Variants in ACTR3C observed in about 807,000 individuals in gnomAD.
ACTR3C encodes actin-related protein 3C.
ACTR3C carries 18 observed loss-of-function variants against 26.3 expected under a neutral mutation model. The observed-to-expected ratio is 0.68, with a 90% CI of 0.47 to 1.01. The LOEUF (loss-of-function observed/expected upper bound fraction) is 1.01. ACTR3C is among the 50% of genes least tolerant of loss of function. ACTR3C has a pLI of 0.00. For missense variants in ACTR3C, 184 were observed against 250.7 expected (o/e 0.73, Z 1.80); for synonymous variants, 55 against 94.5 (o/e 0.58, Z 2.42).
chr7:150,159,277 G>C, the ACTR3C span, among the ~76,000 whole-genome samples: 1 of 151,894 alleles, frequency 6.6e-6, no homozygotes, highest in Non-Finnish European at 1.5e-5. Flanking sequence ...TTCTTCCCAG[G>C]ATGGGCTTGG....
the ACTR3C span, among the ~76,000 whole-genome samples, chr7:150,198,221 T>G: frequency 6.7e-6 from 1 of 149,122 alleles, no homozygotes; most frequent in Non-Finnish European, 1.5e-5. Flanking sequence ...CCGCCTGCCT[T>G]GGCCTCCCAA....
At chr7:150,171,195 G>A in the ACTR3C span, among the ~76,000 whole-genome samples, 3 of 142,288 alleles carry the variant, frequency 2.1e-5, no homozygotes, top group South Asian at 2.2e-4. Context: ...TGGATCACTC[G>A]CCACAGTAGA....
chr7:150,032,614 A>C, the ACTR3C span, among the ~76,000 whole-genome samples: 2 of 152,140 alleles, frequency 1.3e-5, no homozygotes. Context: ...TATCTGCTTG[A>C]GATTAACACC....
At chr7:150,245,509 C>T (rs1172960893), downstream of ACTR3C, 1 of 152,250 alleles carries the variant, frequency 6.6e-6, no homozygotes, top group Non-Finnish European at 1.5e-5. Context: ...GATTTTGCTC[C>T]ACCATGGAGG....
the ACTR3C span, among the ~76,000 whole-genome samples, chr7:150,189,232 C>G: frequency 6.6e-6 from 1 of 151,984 alleles, no homozygotes; most frequent in African/African-American, 2.4e-5. Flanking sequence ...ACATTTTGCT[C>G]TATTCTTTTT....
At chr7:150,034,247 C>G in the ACTR3C span, among the ~76,000 whole-genome samples, 1 of 151,512 alleles carries the variant, frequency 6.6e-6, no homozygotes, top group Admixed American at 6.6e-5. Flanking sequence ...GGGGGCCATC[C>G]TTTAGCAACT....
At chr7:150,056,591 G>A in the ACTR3C span, among the ~76,000 whole-genome samples, 12 of 152,146 alleles carry the variant, frequency 7.9e-5, no homozygotes, top group Admixed American at 7.9e-4. Flanking sequence ...ATAAATCCAC[G>A]AGTCACATGA....
the ACTR3C span, chr7:150,000,761 C>T: frequency 2.7e-4 from 38 of 138,726 alleles, no homozygotes; most frequent in African/African-American, 9.9e-4. Context: ...TGTTCCTTCC[C>T]CTTCCCAGCC....
the ACTR3C span, among the ~76,000 whole-genome samples, chr7:150,227,232 C>A: frequency 6.6e-6 from 1 of 151,798 alleles, no homozygotes; most frequent in Non-Finnish European, 1.5e-5. Context: ...GATCACTTAA[C>A]TTTATTTCTC....
At chr7:149,947,029 G>A in the ACTR3C span, among the ~76,000 whole-genome samples, 135 of 151,786 alleles carry the variant, frequency 8.9e-4, no homozygotes, top group African/African-American at 2.6e-3. Context: ...TGCCGGGGGC[G>A]GTGGAGGGTA....
the ACTR3C span, among the ~76,000 whole-genome samples, chr7:150,162,111 A>G: frequency 6.6e-6 from 1 of 152,226 alleles, no homozygotes; most frequent in Non-Finnish European, 1.5e-5. Context: ...AACCCTTTGT[A>G]TCTACTGATG....
chr7:150,194,981 C>A, the ACTR3C span, among the ~76,000 whole-genome samples: 1 of 151,962 alleles, frequency 6.6e-6, no homozygotes, highest in African/African-American at 2.4e-5. Flanking sequence ...GTAATCCCAG[C>A]TACTCAGGAG....
At chr7:150,310,386 G>C (rs1013775749) in intron 1 of ACTR3C, among the ~76,000 whole-genome samples, 28 of 152,194 alleles carry the variant, frequency 1.8e-4, no homozygotes, top group African/African-American at 6.5e-4. Flanking sequence ...ATTATCACTT[G>C]CCTGTTACAG....
the ACTR3C span, among the ~76,000 whole-genome samples, chr7:150,049,932 G>C: frequency 6.6e-6 from 1 of 152,220 alleles, no homozygotes; most frequent in African/African-American, 2.4e-5. Context: ...CTTGCTGCAT[G>C]GGAGAGGCCA....
the ACTR3C span, among the ~76,000 whole-genome samples, chr7:150,104,023 G>A: frequency 4.1e-4 from 62 of 151,918 alleles, 2 homozygotes; most frequent in African/African-American, 1.5e-3. Flanking sequence ...TATTCAAGAG[G>A]GCTGCAAAGG....
chr7:150,152,923 C>T, the ACTR3C span, among the ~76,000 whole-genome samples: 3 of 152,090 alleles, frequency 2.0e-5, no homozygotes, highest in Admixed American at 2.0e-4. Flanking sequence ...AGTTTATTTG[C>T]GTAGAGGTGT....
At position 150,286,396 on chromosome 7, in the gene ACTR3C, G is replaced by T; in HGVS notation, c.442C>A (p.Leu148Met). The stretch of plus-strand genomic sequence containing the variant: ...GGGTGAAAGAATATTTCAGGTCCCA[G>T]GAATCTTTCGTAACCAACGTCTATA... ...FVIDVGYERF[L>M]GPEIFFHPEF... Residue 148 changes from leucine (L) to methionine (M), a missense_variant, in exon 5 of 8, where the codon CTG (leucine) becomes ATG (methionine). Coordinates refer to ENST00000683684, the MANE Select transcript of ACTR3C (RefSeq NM_001164458.2). 6.2e-7 allele frequency: 1 copy of T among 1,613,962 alleles called. No individual in the cohort carries two copies. Among genetic ancestry groups the T allele is most frequent in the Non-Finnish European group, 8.5e-7 (1 of 1,180,030 alleles).
chr7:150,033,766 CCA>C, the ACTR3C span, among the ~76,000 whole-genome samples: 56 of 150,720 alleles, frequency 3.7e-4, no homozygotes, highest in African/African-American at 1.3e-3. Flanking sequence ...GGGGGTGCTT[CCA>C]CCTCCTGCGA....
chr7:149,900,511 A>G, the ACTR3C span, among the ~76,000 whole-genome samples: 1 of 152,056 alleles, frequency 6.6e-6, no homozygotes, highest in Non-Finnish European at 1.5e-5. Context: ...AATAAATATT[A>G]AAAAGAATGG....
Sources: gnomAD v4.1 joint callset for allele counts (sites outside exome capture counted in the v4.1 genomes callset) on GRCh38, gnomAD v4.1.1 for gene constraint, MANE v1.5 for transcripts, NCBI Gene and HGNC (gene_info 2026-07-23, HGNC 2026-07-21) for gene names.